Variants in TRHDE observed in about 807,000 individuals in gnomAD.
TRHDE encodes thyrotropin-releasing hormone-degrading ectoenzyme.
TRHDE carries 72 observed loss-of-function variants against 125.7 expected under a neutral mutation model. The ratio of observed to expected loss-of-function variants is 0.57; its 90% CI spans 0.47 to 0.70. TRHDE has a LOEUF of 0.70. TRHDE is among the 30% of genes least tolerant of loss of function. The pLI is 0.00. For missense variants in TRHDE, 1,110 were observed against 1,327.1 expected, an observed-to-expected ratio of 0.84 and a Z score of 2.54; for synonymous variants, 509 against 509.1, an observed-to-expected ratio of 1.00 and a Z score of 0.00.
intron 3 of TRHDE, among the ~76,000 whole-genome samples, chr12:72,458,410 T>C (rs1032597932): frequency 6.6e-6 from 1 of 152,140 alleles, no homozygotes; most frequent in South Asian, 2.1e-4. Flanking sequence ...ATCTTGTCAG[T>C]ATGCTTTGTG....
chr12:72,130,924 G>T (rs1211133949), intron 2 of TRHDE, among the ~76,000 whole-genome samples: 1 of 152,088 alleles, frequency 6.6e-6, no homozygotes, highest in Non-Finnish European at 1.5e-5. Flanking sequence ...TTGTAAACTG[G>T]AGACACCATT....
chr12:72,456,814 A>G (rs1875877994), intron 3 of TRHDE, among the ~76,000 whole-genome samples: 1 of 152,182 alleles, frequency 6.6e-6, no homozygotes, highest in Admixed American at 6.6e-5. Context: ...TTGGAGAGGT[A>G]AAGGATTCAG....
chr12:72,450,091 C>A lies in TRHDE; in HGVS notation c.1316-19667C>A, dbSNP rs749278108. Among the ~76,000 whole-genome samples, 179 of 151,932 alleles carry A rather than the reference C, an allele frequency of 1.2e-3. 3 individuals carry two copies. The highest frequency in any genetic ancestry group is 3.3e-4 in the Admixed American group (5 of 15,240). ...CTCTGAAATCCCTCTGGGTATATCT[C>A]CAAAGAGTACAAAATATCAGTCAGA... On this transcript the variant is annotated intron_variant, in intron 3 of 18. Coordinates refer to ENST00000261180, the MANE Select transcript of TRHDE (RefSeq NM_013381.3).
chr12:72,125,926 G>C (rs1406885552), intron 2 of TRHDE, among the ~76,000 whole-genome samples: 1 of 152,132 alleles, frequency 6.6e-6, no homozygotes, highest in Non-Finnish European at 1.5e-5. Context: ...GAGAATCTGG[G>C]GAGACCAAGG....
At chr12:72,414,323 T>A (rs915069568) in intron 3 of TRHDE, among the ~76,000 whole-genome samples, 14 of 152,080 alleles carry the variant, frequency 9.2e-5, no homozygotes, top group Non-Finnish European at 1.8e-4. Context: ...TGGATAAATT[T>A]GAAAGACTAA....
At chr12:72,210,241 G>T (rs1336338938) in intron 2 of TRHDE, among the ~76,000 whole-genome samples, 1 of 150,632 alleles carries the variant, frequency 6.6e-6, no homozygotes, top group East Asian at 1.9e-4. Context: ...TATCTTTTGG[G>T]TGTGTGTACC....
chr12:72,524,644 C>G (rs1868302028), intron 6 of TRHDE, among the ~76,000 whole-genome samples: 1 of 152,124 alleles, frequency 6.6e-6, no homozygotes, highest in Non-Finnish European at 1.5e-5. Context: ...TGTTCTTGAA[C>G]TCAGTGATGG....
At chr12:72,553,174 A>G (rs946902740) in intron 7 of TRHDE, among the ~76,000 whole-genome samples, 1 of 152,132 alleles carries the variant, frequency 6.6e-6, no homozygotes. Flanking sequence ...TTCTATTTGT[A>G]TTTGGTGATT....
At chr12:72,581,954 T>G (rs1291089889) in intron 12 of TRHDE, among the ~76,000 whole-genome samples, 1 of 151,734 alleles carries the variant, frequency 6.6e-6, no homozygotes, top group Non-Finnish European at 1.5e-5. Flanking sequence ...TACAAAAAAT[T>G]AGCCGGGCAA....
intron 5 of TRHDE, among the ~76,000 whole-genome samples, chr12:72,482,115 TA>T (rs1877200922): frequency 6.6e-6 from 1 of 151,990 alleles, no homozygotes; most frequent in Non-Finnish European, 1.5e-5. Context: ...GTCAAGCACC[TA>T]AAATGAGCCA....
chr12:72,572,851 G>A (rs1870812795), intron 10 of TRHDE, among the ~76,000 whole-genome samples: 4 of 151,832 alleles, frequency 2.6e-5, no homozygotes, highest in Admixed American at 2.0e-4. Flanking sequence ...ATCAAATGGG[G>A]CTAAGTTATT....
chr12:72,434,598 G>T (rs988353584), intron 3 of TRHDE, among the ~76,000 whole-genome samples: 3 of 151,914 alleles, frequency 2.0e-5, no homozygotes, highest in African/African-American at 7.3e-5. Context: ...CAAAAATAAA[G>T]GTTTCTCAAC....
At chr12:72,531,234 A>G (rs886734563) in intron 6 of TRHDE, among the ~76,000 whole-genome samples, 1 of 151,980 alleles carries the variant, frequency 6.6e-6, no homozygotes, top group Non-Finnish European at 1.5e-5. Flanking sequence ...AATGTTTTTC[A>G]TGTATTTATT....
chr12:72,414,779 C>T (rs1040503570), intron 3 of TRHDE, among the ~76,000 whole-genome samples: 2 of 152,076 alleles, frequency 1.3e-5, no homozygotes, highest in Non-Finnish European at 2.9e-5. Flanking sequence ...ACAGGGAGAA[C>T]ATAATTTATT....
chr12:72,254,633 AAC>A, intron 2 of TRHDE: 1 of 152,174 alleles, frequency 6.6e-6, no homozygotes, highest in Non-Finnish European at 1.5e-5. Context: ...AGAAAATAGA[AAC>A]AATGGAAAAG....
intron 2 of TRHDE, among the ~76,000 whole-genome samples, chr12:72,309,238 AAAG>A (rs1404614676): frequency 6.6e-6 from 1 of 152,190 alleles, no homozygotes; most frequent in African/African-American, 2.4e-5. Flanking sequence ...TTTGAGAAAC[AAAG>A]AAGAGGTGAA....
Position 72,313,029 on chromosome 12 carries a change from T to A in TRHDE, c.1188+26075T>A, listed in dbSNP as rs1868619366. ...GGTTTTTAGCCATTTGAAATATTTT[T>A]ACTCATGTGATATAAGCCTTTATTT... On this transcript the variant is annotated intron_variant, in intron 2 of 18. Coordinates refer to ENST00000261180, the MANE Select transcript of TRHDE (RefSeq NM_013381.3). 1.3e-5 allele frequency among the ~76,000 whole-genome samples: 2 copies of A among 152,172 alleles called. 1 individual carries two copies. The highest frequency in any genetic ancestry group is 1.3e-4 in the Admixed American group (2 of 15,272).
chr12:72,234,346 T>C (rs1878302208), intron 2 of TRHDE, among the ~76,000 whole-genome samples: 1 of 152,184 alleles, frequency 6.6e-6, no homozygotes, highest in African/African-American at 2.4e-5. Flanking sequence ...TTTCCTGATT[T>C]ATAGCAATCA....
intron 12 of TRHDE, among the ~76,000 whole-genome samples, chr12:72,603,790 T>C (rs529573323): frequency 2.0e-5 from 3 of 151,754 alleles, no homozygotes; most frequent in Admixed American, 6.6e-5. Flanking sequence ...AGTATACAGA[T>C]TGAAGTGCAC....
Sources: allele counts gnomAD v4.1 joint callset (sites outside exome capture counted in the v4.1 genomes callset), GRCh38; gene constraint gnomAD v4.1.1; transcripts MANE v1.5; gene names NCBI Gene and HGNC (gene_info 2026-07-23, HGNC 2026-07-21).